Variants in FBP1 observed in about 807,000 individuals in gnomAD.
FBP1 encodes fructose-1,6-bisphosphatase 1.
FBP1 carries 22 observed loss-of-function variants against 29.9 expected under a neutral mutation model. That is an observed-to-expected ratio of 0.74 (90% confidence interval 0.53 to 1.05). FBP1 has a LOEUF of 1.05. Ranked by LOEUF, FBP1 falls within the 50% of genes least tolerant of loss-of-function variation. The probability of loss-of-function intolerance (pLI) is 0.00; values close to 1 mark genes in which losing one functional copy is unlikely to be tolerated. For missense variants in FBP1, 345 were observed against 448.2 expected (o/e 0.77, Z 2.08); for synonymous variants, 175 against 178.6 (o/e 0.98, Z 0.16).
At position 94,620,340 on chromosome 9, in the gene FBP1, G is replaced by C; in HGVS notation, c.322C>G (p.Pro108Ala). The change falls in exon 2 of 7, where the codon CCG (proline) becomes GCG (alanine). Residue 108 changes from proline to alanine, a missense_variant. By Grantham distance (27) the Pro-to-Ala change is conservative (BLOSUM62 -1). Coordinates refer to ENST00000375326, the MANE Select transcript of FBP1 (RefSeq NM_000507.4). ...AAGTACAGACCCACCCTTTTCTCCGGTTCCACTATGATGGCGTGTTTATCT... is the reference window on the plus strand; with the variant it reads ...AAGTACAGACCCACCCTTTTCTCCGCTTCCACTATGATGGCGTGTTTATCT... The part of the protein sequence containing the change: ...EEDKHAIIVE[P>A]EKRGKYVVCF... 1 of 1,614,184 alleles carries C rather than the reference G, an allele frequency of 6.2e-7. No individual in the cohort carries two copies. The highest frequency in any genetic ancestry group is 1.3e-5 in the African/African-American group (1 of 75,044).
chr9:94,639,211 G>T lies in FBP1; in HGVS notation c.100C>A (p.Leu34Met). The change falls in exon 1 of 7, where the codon CTG (leucine) becomes ATG (methionine). Residue 34 changes from leucine to methionine, a missense_variant. Transcript: ENST00000375326. ...ACTGCTGTGCAGAGCGAGTTGAGCA[G>T]CTGGGTCAACTCGCCCGTGCCGCGG... ...KARGTGELTQ[L>M]LNSLCTAVKA... is the part of the protein sequence containing the mutation. 6.2e-7 allele frequency: 1 copy of T among 1,602,592 alleles called. No individual in the cohort carries two copies. The highest frequency in any genetic ancestry group is 8.5e-7 in the Non-Finnish European group (1 of 1,175,002).
At chr9:94,618,401 G>T (rs1005407107) in intron 2 of FBP1, among the ~76,000 whole-genome samples, 1 of 142,150 alleles carries the variant, frequency 7.0e-6, no homozygotes, top group South Asian at 2.3e-4. Flanking sequence ...CAGGAGGATT[G>T]CTTGAGCCCA....
chr9:94,630,236 A>G lies in FBP1; in HGVS notation c.170+8905T>C, dbSNP rs115833692. Among the ~76,000 whole-genome samples the G allele has an allele frequency of 5.5e-3, 838 of 152,282 alleles. 6 individuals carry two copies. The highest frequency in any genetic ancestry group is 0.019 in the African/African-American group (781 of 41,562). ...GATGAATAAATTTAGAGAGTAATAA[A>G]AGGATCCAAGAATTCCTAAGATCAT... On this transcript the variant is annotated intron_variant, in intron 1 of 6. Transcript: ENST00000375326.
chr9:94,626,210 C>A (rs2131496300), intron 1 of FBP1, among the ~76,000 whole-genome samples: 1 of 152,318 alleles, frequency 6.6e-6, no homozygotes, highest in East Asian at 1.9e-4. Context: ...CTGGGCTGCT[C>A]CAACTCAATG....
intron 6 of FBP1, among the ~76,000 whole-genome samples, chr9:94,605,094 G>A (rs1827677525): frequency 6.6e-6 from 1 of 152,150 alleles, no homozygotes; most frequent in Admixed American, 6.5e-5. Context: ...CTTCTACTGA[G>A]GATACACATT....
chr9:94,621,437 C>T (rs1041776670), intron 1 of FBP1, among the ~76,000 whole-genome samples: 25 of 151,210 alleles, frequency 1.7e-4, no homozygotes, highest in Admixed American at 1.6e-3. Context: ...AGGACATCAG[C>T]TTGGGAGAAC....
intron 4 of FBP1, among the ~76,000 whole-genome samples, chr9:94,607,528 C>T (rs574688633): frequency 9.8e-5 from 15 of 152,314 alleles, no homozygotes; most frequent in Admixed American, 7.8e-4. Context: ...CTTCCGATGG[C>T]CTTTGCTCGC....
chr9:94,604,510 G>A (rs939668382), intron 6 of FBP1, among the ~76,000 whole-genome samples: 6 of 147,554 alleles, frequency 4.1e-5, no homozygotes, highest in Non-Finnish European at 7.4e-5. Flanking sequence ...GCAGCCACGC[G>A]TGGTGGCTCA....
intron 4 of FBP1, among the ~76,000 whole-genome samples, chr9:94,607,514 G>T (rs1037341494): frequency 1.3e-5 from 2 of 152,172 alleles, no homozygotes; most frequent in Non-Finnish European, 2.9e-5. Context: ...TCTGGCGTAC[G>T]TAACTTCCGA....
chr9:94,603,659 T>C, intron 6 of FBP1, 87 bp from the exon 7 acceptor site: 1 of 1,208,374 alleles, frequency 8.3e-7, no homozygotes, highest in Non-Finnish European at 1.2e-6. Flanking sequence ...CATGCAGAGC[T>C]GGTGGGAGTT....
At chr9:94,618,555 G>A in intron 2 of FBP1, among the ~76,000 whole-genome samples, 1 of 151,478 alleles carries the variant, frequency 6.6e-6, no homozygotes, top group East Asian at 1.9e-4. Flanking sequence ...TGAGACAGGA[G>A]GTATCACTTG....
intron 1 of FBP1, among the ~76,000 whole-genome samples, chr9:94,631,539 C>T (rs1286054447): frequency 6.6e-6 from 1 of 152,206 alleles, no homozygotes; most frequent in Non-Finnish European, 1.5e-5. Flanking sequence ...CTGCCTTCCA[C>T]AGCATCTCTA....
Position 94,610,063 on chromosome 9 carries a change from T to C in FBP1, c.427-2A>G, listed in dbSNP as rs754248755. The C allele has an allele frequency of 6.2e-7, 1 of 1,614,040 alleles. No homozygotes were observed. The highest frequency in any genetic ancestry group is 8.5e-7 in the Non-Finnish European group (1 of 1,179,920). On this transcript the variant is annotated splice_acceptor_variant, in intron 3 of 6. Coordinates refer to ENST00000375326, the MANE Select transcript of FBP1 (RefSeq NM_000507.4). LOFTEE classifies it high-confidence loss of function. ...CTCAGAAGGCTCATCAGTTGATTTC[T>C]AGAGCAAGAAAGAAATCAAAGAATG...
intron 1 of FBP1, among the ~76,000 whole-genome samples, chr9:94,629,764 C>T (rs1196091767): frequency 6.6e-6 from 1 of 152,090 alleles, no homozygotes; most frequent in East Asian, 1.9e-4. Context: ...AGGAATGGCC[C>T]ACTCTCTTCT....
chr9:94,638,102 AAGAAAAGAAAAAG>A (rs1563991006), intron 1 of FBP1, among the ~76,000 whole-genome samples: 3 of 84,110 alleles, frequency 3.6e-5, no homozygotes, highest in Non-Finnish European at 6.6e-5. Flanking sequence ...AAAAAAAAAA[AAGAAAAGAAAAAG>A]AAAATACCTG....
intron 2 of FBP1, among the ~76,000 whole-genome samples, chr9:94,619,641 A>G (rs10123016): frequency 0.42 from 63,970 of 151,742 alleles, 13,785 homozygotes; most frequent in Admixed American, 0.5. Context: ...TGGGAGGCCA[A>G]GGTGGGCGGG....
intron 5 of FBP1, among the ~76,000 whole-genome samples, chr9:94,606,081 G>A (rs1827695929): frequency 6.6e-6 from 1 of 152,142 alleles, no homozygotes; most frequent in African/African-American, 2.4e-5. Context: ...TAAGGTGAAA[G>A]GAGAGATGAG....
intron 1 of FBP1, among the ~76,000 whole-genome samples, chr9:94,635,710 G>A (rs974290814): frequency 2.0e-5 from 3 of 152,200 alleles, no homozygotes; most frequent in African/African-American, 7.2e-5. Flanking sequence ...ATCTAGTCCT[G>A]TCAGCTACCC....
chr9:94,605,662 C>T, intron 5 of FBP1, 86 bp from the exon 6 acceptor site: 1 of 1,336,278 alleles, frequency 7.5e-7, no homozygotes, highest in Non-Finnish European at 1.1e-6. Context: ...TTTGATTCCA[C>T]ATCCATTCAC....
Sources: allele counts gnomAD v4.1 joint callset (sites outside exome capture counted in the v4.1 genomes callset), GRCh38; gene constraint gnomAD v4.1.1; transcripts MANE v1.5; gene names NCBI Gene and HGNC (gene_info 2026-07-23, HGNC 2026-07-21).